Variants in KIAA1210 observed in about 807,000 individuals in gnomAD.
KIAA1210 encodes KIAA1210.
In KIAA1210, 48 loss-of-function variants were observed where a neutral mutation model predicts 78.9. The ratio of observed to expected loss-of-function variants is 0.61; its 90% CI spans 0.48 to 0.77. The LOEUF (loss-of-function observed/expected upper bound fraction) is 0.77. KIAA1210 is among the 30% of genes least tolerant of loss of function. The pLI, the probability that KIAA1210 is intolerant of heterozygous loss-of-function variation, is 0.00. For synonymous variants in KIAA1210, 406 were observed against 404.5 expected (o/e 1.00, Z -0.04); for missense variants, 1,108 against 1,100.0 (o/e 1.01, Z -0.10).
intron 2 of KIAA1210, among the ~76,000 whole-genome samples, chrX:119,143,850 CA>C (rs1396085793): frequency 1.8e-5 from 2 of 112,330 alleles, no homozygotes; most frequent in Non-Finnish European, 3.8e-5. Context: ...CTCCATTTTA[CA>C]AATGAGAAAA....
intron 9 of KIAA1210, 130 bp downstream of exon 9, chrX:119,086,416 C>T: frequency 1.6e-6 from 1 of 638,724 alleles, no homozygotes; most frequent in South Asian, 3.3e-5. Flanking sequence ...CTCCCAAACT[C>T]ATAAACCAGC....
At chrX:119,122,061 A>ATTTTTT (rs781688572) in intron 2 of KIAA1210, among the ~76,000 whole-genome samples, 20 of 56,478 alleles carry the variant, frequency 3.5e-4, no homozygotes, top group Admixed American at 8.3e-4. Context: ...CGCGCCCGGC[A>ATTTTTT]TTTTTTTTTT....
intron 1 of KIAA1210, among the ~76,000 whole-genome samples, chrX:119,149,145 T>C: frequency 9.1e-6 from 1 of 109,753 alleles, no homozygotes. Context: ...ACCTGGAGCC[T>C]AGGAAAAAGC....
intron 2 of KIAA1210, 65 bp from the exon 3 acceptor site, chrX:119,116,729 G>A: frequency 9.9e-7 from 1 of 1,006,604 alleles, no homozygotes; most frequent in Non-Finnish European, 1.3e-6. Flanking sequence ...AGAGGAAAAA[G>A]AGCCTTCATG....
In KIAA1210 at chrX:119,087,150, G is replaced by A. The variant is rs748409844; in HGVS notation, c.3552C>T (p.Ser1184=). ...GPVNVPVKQS[S]GEKHLPSSSP... ...TACTTGAAGGCAGGTGCTTCTCACC[G>A]CTGCTCTGCTTTACAGGTACATTCA... Residue 1184 remains serine (S), a synonymous_variant, in exon 9 of 12, where the codon AGC becomes AGT. Transcript: ENST00000691062. 29 of 1,209,911 alleles carry A rather than the reference G, an allele frequency of 2.4e-5. No homozygotes were observed. Among genetic ancestry groups the A allele is most frequent in the East Asian group, 5.9e-5 (2 of 33,778 alleles).
intron 1 of KIAA1210, among the ~76,000 whole-genome samples, chrX:119,124,152 A>G (rs759174279): frequency 1.8e-5 from 2 of 111,783 alleles, no homozygotes; most frequent in Non-Finnish European, 3.8e-5. Context: ...GCATGCCACA[A>G]CACCCAACTA....
intron 2 of KIAA1210, among the ~76,000 whole-genome samples, chrX:119,142,774 C>CAAAAAAAAA: frequency 2.6e-5 from 1 of 38,801 alleles, no homozygotes; most frequent in Non-Finnish European, 4.2e-5. Context: ...GACTCCATCT[C>CAAAAAAAAA]AAAAAAAAAA....
intron 11 of KIAA1210, 136 bp downstream of exon 11, chrX:119,082,879 C>A: frequency 2.5e-6 from 1 of 398,518 alleles, no homozygotes; most frequent in South Asian, 5.9e-5. Flanking sequence ...ATATTTGTAT[C>A]TAATTAAAGA....
At chrX:119,089,834 T>G in intron 8 of KIAA1210, 88 bp from the exon 9 acceptor site, 2 of 858,341 alleles carry the variant, frequency 2.3e-6, no homozygotes, top group Non-Finnish European at 1.6e-6. Context: ...CAGTGGTACC[T>G]ATTTGCTACT....
At chrX:119,125,712 T>A (rs1223354457) in intron 1 of KIAA1210, among the ~76,000 whole-genome samples, 1 of 12,086 alleles carries the variant, frequency 8.3e-5, no homozygotes. Context: ...GCCCAGCTAA[T>A]ACATATATAT....
At chrX:119,085,980 G>C (rs1183683384) in intron 9 of KIAA1210, among the ~76,000 whole-genome samples, 10 of 113,011 alleles carry the variant, frequency 8.8e-5, no homozygotes, top group African/African-American at 3.2e-4. Context: ...ACATAAGTGT[G>C]GTTACAGGAA....
chrX:119,125,735 A>ATATATATTTTTTT (rs5903546), intron 1 of KIAA1210, among the ~76,000 whole-genome samples: 1 of 15,806 alleles, frequency 6.3e-5, no homozygotes, highest in African/African-American at 2.6e-4. Context: ...ATATATATAT[A>ATATATATTTTTTT]TTTTTTTTTT....
chrX:119,112,074 C>T (rs1031901850), intron 3 of KIAA1210, among the ~76,000 whole-genome samples: 8 of 110,952 alleles, frequency 7.2e-5, no homozygotes, highest in Admixed American at 1.9e-4. Context: ...CTCATGAGAG[C>T]CGATGGCTTA....
intron 9 of KIAA1210, among the ~76,000 whole-genome samples, chrX:119,086,292 A>T (rs1270743989): frequency 9.0e-6 from 1 of 111,335 alleles, no homozygotes; most frequent in Non-Finnish European, 1.9e-5. Context: ...GGAAATGGTC[A>T]TGTGTCTACT....
At chrX:119,097,881 G>T (rs908830517) in intron 6 of KIAA1210, among the ~76,000 whole-genome samples, 6 of 111,573 alleles carry the variant, frequency 5.4e-5, no homozygotes, top group African/African-American at 9.8e-5. Flanking sequence ...TTGATCCCAA[G>T]ATTTCCTTTA....
chrX:119,097,707 T>C (rs1427060492), intron 6 of KIAA1210, among the ~76,000 whole-genome samples: 1 of 112,024 alleles, frequency 8.9e-6, no homozygotes, highest in Non-Finnish European at 1.9e-5. Flanking sequence ...AGCTACTATC[T>C]TGGTTATGAA....
intron 2 of KIAA1210, among the ~76,000 whole-genome samples, chrX:119,121,396 A>C (rs924344486): frequency 3.6e-5 from 4 of 111,867 alleles, no homozygotes; most frequent in Non-Finnish European, 7.5e-5. Flanking sequence ...CAGCAGTTGC[A>C]GTCAGTGAGC....
chrX:119,110,106 A>G (rs2045280), intron 3 of KIAA1210, among the ~76,000 whole-genome samples: 5,380 of 111,856 alleles, frequency 0.048, 340 homozygotes, highest in African/African-American at 0.17. Flanking sequence ...GAATATAGAC[A>G]CAAAAATCCT....
chrX:119,123,480 T>A (rs1928527361), intron 2 of KIAA1210, 102 bp downstream of exon 2: 1 of 584,302 alleles, frequency 1.7e-6, no homozygotes. Flanking sequence ...AGTCTAATGA[T>A]CTGAACTTGT....
Sources: allele counts gnomAD v4.1 joint callset (sites outside exome capture counted in the v4.1 genomes callset), GRCh38; gene constraint gnomAD v4.1.1; transcripts MANE v1.5; gene names NCBI Gene and HGNC (gene_info 2026-07-23, HGNC 2026-07-21).